The following MYMK variants were observed in gnomAD, a reference collection of about 807,000 sequenced individuals.
The protein encoded by MYMK is protein myomaker.
Under a neutral mutation model 22.4 loss-of-function variants are expected in MYMK, and 16 were observed. The ratio of observed to expected loss-of-function variants is 0.72; its 90% CI spans 0.48 to 1.09. The LOEUF (loss-of-function observed/expected upper bound fraction) is 1.09. Ranked by LOEUF, MYMK falls within the 50% of genes least tolerant of loss-of-function variation. The pLI is 0.00. For missense variants in MYMK, 250 were observed against 295.6 expected (o/e 0.85, Z 1.13); for synonymous variants, 125 against 127.0 (o/e 0.98, Z 0.11).
At chr9:133,516,191 A>C (rs1038335515) in intron 3 of MYMK, among the ~76,000 whole-genome samples, 2 of 152,210 alleles carry the variant, frequency 1.3e-5, no homozygotes, top group African/African-American at 4.8e-5. Context: ...CATTCCGAGG[A>C]AGATGCGGGA....
intron 1 of MYMK, 130 bp downstream of exon 1, chr9:133,524,580 C>T: frequency 7.2e-7 from 1 of 1,384,360 alleles, no homozygotes; most frequent in Non-Finnish European, 9.9e-7. Flanking sequence ...CAGACCCCAC[C>T]TGGGCCTGCT....
At chr9:133,524,688 TC>T (rs1194061519) in intron 1 of MYMK, 21 bp downstream of exon 1, 11 of 1,613,996 alleles carry the variant, frequency 6.8e-6, no homozygotes, top group Middle Eastern at 3.3e-4. Context: ...GTGTGGGACT[TC>T]CTCCCAGCCC....
intron 3 of MYMK, among the ~76,000 whole-genome samples, chr9:133,517,305 T>A (rs1383765518): frequency 6.6e-6 from 1 of 152,056 alleles, no homozygotes; most frequent in Non-Finnish European, 1.5e-5. Flanking sequence ...GCCTCCTGGG[T>A]CAGCCCAGGA....
At chr9:133,521,005 G>A (rs555901531) in intron 1 of MYMK, among the ~76,000 whole-genome samples, 5 of 152,288 alleles carry the variant, frequency 3.3e-5, no homozygotes, top group South Asian at 2.1e-4. Flanking sequence ...GAGCCGGGCT[G>A]TAGCTCCTGG....
At position 133,519,032 on chromosome 9, in the gene MYMK, C is replaced by A. The variant is rs557231852; in HGVS notation, c.251-10G>T. ...TCGAAGTCGGCCAGTGCTGGAGGGG[C>A]CAGGGAGACACAGGGGGAGGTGAGT... On this transcript the variant is annotated splice_polypyrimidine_tract_variant and intron_variant, in intron 2 of 4. Coordinates refer to ENST00000339996, the MANE Select transcript of MYMK (RefSeq NM_001080483.3). 49 of 1,613,458 alleles carry A rather than the reference C, an allele frequency of 3.0e-5. No individual in the cohort carries two copies. The South Asian group carries it at 3.8e-4, about 13-fold the overall frequency.
intron 1 of MYMK, among the ~76,000 whole-genome samples, chr9:133,522,347 G>T (rs1211441040): frequency 6.6e-6 from 1 of 151,974 alleles, no homozygotes; most frequent in Non-Finnish European, 1.5e-5. Context: ...GGCTGTCGGG[G>T]GGGGGCCTCC....
intron 1 of MYMK, among the ~76,000 whole-genome samples, chr9:133,521,669 C>T (rs1026477367): frequency 1.3e-5 from 2 of 152,142 alleles, no homozygotes; most frequent in Non-Finnish European, 2.9e-5. Context: ...GGGTGACCAG[C>T]GGTGGACATG....
chr9:133,522,524 G>T (rs1040964004), intron 1 of MYMK, among the ~76,000 whole-genome samples: 3 of 152,206 alleles, frequency 2.0e-5, no homozygotes, highest in Non-Finnish European at 4.4e-5. Flanking sequence ...GAGTTCAGAA[G>T]ACGTTTGTCA....
chr9:133,514,884 C>T (rs1358193965), intron 4 of MYMK, 99 bp from the exon 5 acceptor site: 1 of 1,366,388 alleles, frequency 7.3e-7, no homozygotes. Flanking sequence ...CCGCCTCTGC[C>T]AGGGCACTGG....
At chr9:133,523,007 C>T (rs1844720395) in intron 1 of MYMK, among the ~76,000 whole-genome samples, 1 of 152,212 alleles carries the variant, frequency 6.6e-6, no homozygotes, top group Admixed American at 6.5e-5. Flanking sequence ...TAGCCGAGTC[C>T]TCTGCCCTGG....
chr9:133,517,626 A>T (rs1844646281), intron 3 of MYMK, among the ~76,000 whole-genome samples: 1 of 148,656 alleles, frequency 6.7e-6, no homozygotes, highest in African/African-American at 2.5e-5. Flanking sequence ...AGATGGCGCC[A>T]TTGCACTCCA....
intron 1 of MYMK, among the ~76,000 whole-genome samples, chr9:133,523,783 C>T (rs1844732174): frequency 6.7e-6 from 1 of 148,974 alleles, no homozygotes; most frequent in Non-Finnish European, 1.5e-5. Context: ...GGACTAAAAC[C>T]AGGGAGGGTG....
chr9:133,518,135 T>A (rs1273674205), intron 3 of MYMK, among the ~76,000 whole-genome samples: 1 of 152,246 alleles, frequency 6.6e-6, no homozygotes, highest in African/African-American at 2.4e-5. Flanking sequence ...AGCTCCCTCC[T>A]GCTCTGGGGT....
chr9:133,518,824 G>T, intron 3 of MYMK, 50 bp downstream of exon 3: 1 of 1,580,142 alleles, frequency 6.3e-7, no homozygotes, highest in Non-Finnish European at 8.6e-7. Flanking sequence ...ACAGGGGAGA[G>T]GTGACGGGCC....
chr9:133,518,161 G>C (rs962675284), intron 3 of MYMK, among the ~76,000 whole-genome samples: 4 of 152,198 alleles, frequency 2.6e-5, no homozygotes, highest in African/African-American at 7.2e-5. Context: ...GAGATGCCCC[G>C]GGTCTATTTT....
rs1012143670 is a variant in MYMK, at chr9:133,515,910, A to C, written c.400-303T>G. Among the ~76,000 whole-genome samples the C allele has an allele frequency of 6.6e-6, 1 of 152,110 alleles. No homozygotes were observed. Among genetic ancestry groups the C allele is most frequent in the African/African-American group, 2.4e-5 (1 of 41,424 alleles). ...TGAGATGTAACAACGCCACCCTCGC[A>C]TGTCTCCTCCTCCCTGGAGGGGAGC... On this transcript the variant is annotated intron_variant, in intron 3 of 4. Coordinates refer to ENST00000339996, the MANE Select transcript of MYMK (RefSeq NM_001080483.3). The surrounding 1 kb of genome is among the most constrained non-coding windows in gnomAD (Gnocchi z 5.8).
At chr9:133,519,917 A>T (rs1227862144) in intron 2 of MYMK, among the ~76,000 whole-genome samples, 1 of 152,236 alleles carries the variant, frequency 6.6e-6, no homozygotes, top group Non-Finnish European at 1.5e-5. Flanking sequence ...TCTGCTGTTG[A>T]AATGTGTCAC....
At chr9:133,518,295 C>A (rs753672165) in intron 3 of MYMK, among the ~76,000 whole-genome samples, 1 of 152,182 alleles carries the variant, frequency 6.6e-6, no homozygotes, top group Non-Finnish European at 1.5e-5. Flanking sequence ...TGCTGCTCTG[C>A]AAGGGGCTGT....
In MYMK at chr9:133,520,409, T is replaced by A. The variant is rs1844689258; in HGVS notation, c.136-121A>T. The A allele has an allele frequency of 5.5e-6, 4 of 725,932 alleles. No homozygotes were observed. In the South Asian group the frequency reaches 6.6e-5, roughly 12 times the overall value. The allele number at this position is 725,932 out of a possible 1,614,324, so 45.0% of individuals were successfully genotyped here. A position where few individuals can be genotyped will look rare whatever the true frequency, so the allele number is the denominator to read the frequency against. On this transcript the variant is annotated intron_variant, in intron 1 of 4. Coordinates refer to ENST00000339996, the MANE Select transcript of MYMK (RefSeq NM_001080483.3). ...GAAGTCACTTTGGCGAGTCACTTAA[T>A]GACTGTGTGCCTCAGTCTCCCCGTC...
Sources: allele counts gnomAD v4.1 joint callset (sites outside exome capture counted in the v4.1 genomes callset), GRCh38; gene constraint gnomAD v4.1.1; non-coding constraint Gnocchi (gnomAD v3.1); transcripts MANE v1.5; gene names NCBI Gene and HGNC (gene_info 2026-07-23, HGNC 2026-07-21).